Variants in SEL1L3 observed in about 807,000 individuals in gnomAD.
SEL1L3 encodes protein sel-1 homolog 3.
Under a neutral mutation model 142.8 loss-of-function variants are expected in SEL1L3, and 76 were observed. That is an observed-to-expected ratio of 0.53 (90% CI 0.44 to 0.64). SEL1L3 has a LOEUF of 0.64. Ranked by LOEUF, SEL1L3 falls within the 30% of genes least tolerant of loss-of-function variation. The pLI, the probability that SEL1L3 is intolerant of heterozygous loss-of-function variation, is 0.00. For missense variants in SEL1L3, 1,262 were observed against 1,381.7 expected (o/e 0.91, Z 1.37); for synonymous variants, 504 against 519.6 (o/e 0.97, Z 0.41).
chr4:25,765,529 C>T, intron 19 of SEL1L3, 94 bp from the exon 20 acceptor site: 1 of 771,062 alleles, frequency 1.3e-6, no homozygotes, highest in Non-Finnish European at 2.3e-6. Context: ...GCAAGTTTTT[C>T]CTATTAGTAT....
intron 11 of SEL1L3, among the ~76,000 whole-genome samples, chr4:25,791,911 TA>T (rs55799752): frequency 0.081 from 10,842 of 134,244 alleles, 487 homozygotes; most frequent in African/African-American, 0.14. Flanking sequence ...AGACTCAGTC[TA>T]AAAAAAAAAA....
chr4:25,802,783 G>A (rs182487079), intron 10 of SEL1L3, among the ~76,000 whole-genome samples: 4 of 152,108 alleles, frequency 2.6e-5, no homozygotes, highest in Admixed American at 6.5e-5. Context: ...GGATTTCACC[G>A]TGTTAGCCAG....
intron 1 of SEL1L3, among the ~76,000 whole-genome samples, chr4:25,850,133 A>G (rs10003533): frequency 0.096 from 14,638 of 152,156 alleles, 2,393 homozygotes; most frequent in African/African-American, 0.33. Flanking sequence ...GTATGAGGTT[A>G]AAAAGAAAAG....
intron 6 of SEL1L3, among the ~76,000 whole-genome samples, chr4:25,827,304 G>C (rs1161595263): frequency 2.0e-5 from 3 of 152,100 alleles, no homozygotes; most frequent in Admixed American, 2.0e-4. Context: ...TTAAATTGAG[G>C]TGATACTGGA....
Position 25,833,017 on chromosome 4 carries a change from TCCAGTCGAAAC to T in SEL1L3, c.1065_1075del (p.Trp355Ter), listed in dbSNP as rs1220798839. The T allele has an allele frequency of 6.2e-7, 1 of 1,606,148 alleles. No homozygotes were observed. Among genetic ancestry groups the T allele is most frequent in the Non-Finnish European group, 8.5e-7 (1 of 1,172,938 alleles). On this transcript the variant is annotated stop_gained and frameshift_variant, in exon 5 of 24. Coordinates refer to ENST00000399878, the MANE Select transcript of SEL1L3 (RefSeq NM_015187.5). LOFTEE classifies it high-confidence loss of function. ...TACCTGGCCTCCGTTAAAAGAGATA[TCCAGTCGAAAC>T]CACTCCTTCAAAGGTATGATGAATT...
intron 1 of SEL1L3, among the ~76,000 whole-genome samples, chr4:25,859,895 A>G (rs1030559910): frequency 6.6e-6 from 1 of 152,214 alleles, no homozygotes; most frequent in Admixed American, 6.5e-5. Context: ...TACTTTAGAC[A>G]TGACCTCACA....
the SEL1L3 span, among the ~76,000 whole-genome samples, chr4:25,728,590 C>T: frequency 6.6e-6 from 1 of 152,156 alleles, no homozygotes. Context: ...ATACCTAAGG[C>T]TATCTTGCAC....
chr4:25,748,441 G>T lies in SEL1L3; in HGVS notation c.3383C>A (p.Pro1128Gln). The stretch of plus-strand genomic sequence containing the variant: ...GTGCACAGTTCACCCACGTGGCTCC[G>T]GGTTATTAGTTACTGTGGGCTGGTC... The part of the protein sequence containing the change: ...DQDQPTVTNN[P>Q]EPRG The change falls in exon 24 of 24, where the codon CCG becomes CAG. Residue 1128 changes from proline to glutamine, a missense_variant. Around this residue, in one of 3 missense-constraint regions of SEL1L3, gnomAD observed 138 missense variants for 129.7 expected, o/e 1.06. Coordinates refer to ENST00000399878, the MANE Select transcript of SEL1L3 (RefSeq NM_015187.5). The T allele has an allele frequency of 1.9e-6, 3 of 1,610,514 alleles. No individual in the cohort carries two copies. Among genetic ancestry groups the T allele is most frequent in the African/African-American group, 1.3e-5 (1 of 75,004 alleles).
intron 6 of SEL1L3, among the ~76,000 whole-genome samples, chr4:25,825,769 G>A (rs888047600): frequency 6.7e-6 from 1 of 149,474 alleles, no homozygotes; most frequent in Non-Finnish European, 1.5e-5. Flanking sequence ...CTGCCTCCTG[G>A]GTTCAAGCGA....
Position 25,767,725 on chromosome 4 carries a change from A to C in SEL1L3, c.2760+15T>G. 6.5e-7 allele frequency: 1 copy of C among 1,542,900 alleles called. No individual in the cohort carries two copies. The highest frequency in any genetic ancestry group is 1.4e-5 in the African/African-American group (1 of 73,560). ...ACCTCAGAGCTTCTACTCTGAGAAG[A>C]ATACATTTACTTACTGGCCTCTCCT... is the stretch of plus-strand genomic sequence containing the variant. On this transcript the variant is annotated intron_variant, in intron 18 of 23. Coordinates refer to ENST00000399878, the MANE Select transcript of SEL1L3 (RefSeq NM_015187.5).
chr4:25,716,463 T>C, the SEL1L3 span, among the ~76,000 whole-genome samples: 10 of 152,088 alleles, frequency 6.6e-5, no homozygotes, highest in African/African-American at 2.4e-5. Context: ...AAGTAGAAAA[T>C]ATGCATGCCC....
At chr4:25,714,951 A>G in the SEL1L3 span, among the ~76,000 whole-genome samples, 5,460 of 152,216 alleles carry the variant, frequency 0.036, 295 homozygotes, top group African/African-American at 0.12. Context: ...AACCTAACAA[A>G]AGCAGAGAAA....
intron 9 of SEL1L3, among the ~76,000 whole-genome samples, chr4:25,809,039 C>T (rs1713832533): frequency 2.1e-5 from 3 of 144,096 alleles, no homozygotes; most frequent in African/African-American, 7.7e-5. Flanking sequence ...CGCCACTGCA[C>T]TCCAGCCTGG....
chr4:25,784,364 G>A, intron 13 of SEL1L3, 74 bp from the exon 14 acceptor site: 2 of 1,163,824 alleles, frequency 1.7e-6, no homozygotes, highest in South Asian at 2.5e-5. Flanking sequence ...CTTTAGTGTT[G>A]GATATAAAAT....
At chr4:25,863,043 G>GCCTCCCCGTCCCCGTCCCCTC (rs1717853964), upstream of SEL1L3, 1 of 32,906 alleles carries the variant, frequency 3.0e-5, no homozygotes, top group African/African-American at 1.6e-4. Context: ...GCTCCTCCCC[G>GCCTCCCCGTCCCCGTCCCCTC]CCTCCCCGTC....
At chr4:25,862,615 C>T (rs1717802392) in intron 1 of SEL1L3, 60 bp downstream of exon 1, 1 of 985,880 alleles carries the variant, frequency 1.0e-6, no homozygotes, top group Non-Finnish European at 1.3e-6. Flanking sequence ...CCGGCCGCCC[C>T]CACCCGCGTC....
intron 3 of SEL1L3, among the ~76,000 whole-genome samples, chr4:25,834,186 G>C (rs868588409): frequency 6.6e-6 from 1 of 152,104 alleles, no homozygotes; most frequent in Admixed American, 6.5e-5. Flanking sequence ...GGCTATTTTA[G>C]TCGAAAAAAA....
the SEL1L3 span, among the ~76,000 whole-genome samples, chr4:25,725,297 G>A: frequency 6.6e-6 from 1 of 150,776 alleles, no homozygotes; most frequent in Admixed American, 6.6e-5. Context: ...GCAGCCCAAG[G>A]TCCCAAGGAC....
Position 25,794,055 on chromosome 4 carries a change from C to A in SEL1L3, c.1957-3481G>T, listed in dbSNP as rs186925097. On this transcript the variant is annotated intron_variant, in intron 11 of 23. Coordinates refer to ENST00000399878, the MANE Select transcript of SEL1L3 (RefSeq NM_015187.5). ...TGGACTAAATACTTAAATGTAAAAC[C>A]CAAAACTACAAAAACTCTAGAAGAA... is the stretch of plus-strand genomic sequence containing the variant. Among the ~76,000 whole-genome samples, 12 of 152,152 alleles carry A rather than the reference C, an allele frequency of 7.9e-5. No homozygotes were observed. In the East Asian group the frequency reaches 2.3e-3, roughly 29 times the overall value.
Sources: gnomAD v4.1 joint callset for allele counts (sites outside exome capture counted in the v4.1 genomes callset) on GRCh38, gnomAD v4.1.1 for gene constraint, gnomAD v4.1.1 regional missense constraint, MANE v1.5 for transcripts, NCBI Gene and HGNC (gene_info 2026-07-23, HGNC 2026-07-21) for gene names.